The following CCDC195 variants were observed in gnomAD, a reference collection of about 807,000 sequenced individuals.
CCDC195 encodes coiled-coil domain-containing protein 195.
chr2:224,708,020 C>CTTCT (rs1422589203), intron 2 of CCDC195, among the ~76,000 whole-genome samples: 5 of 119,878 alleles, frequency 4.2e-5, no homozygotes, highest in Admixed American at 8.3e-5. Context: ...TTCTTCCTTC[C>CTTCT]TTCCTTCCTT....
At chr2:224,714,923 CT>C (rs906695491) in intron 1 of CCDC195, among the ~76,000 whole-genome samples, 4 of 151,104 alleles carry the variant, frequency 2.6e-5, no homozygotes, top group Admixed American at 6.6e-5. Context: ...TTCAGAGCTT[CT>C]TTTTTTTTCC....
chr2:224,714,580 C>A (rs1483788641), intron 1 of CCDC195, among the ~76,000 whole-genome samples: 2 of 152,282 alleles, frequency 1.3e-5, no homozygotes, highest in East Asian at 3.9e-4. Flanking sequence ...GCTAAACACC[C>A]TACCATGCTC....
intron 1 of CCDC195, among the ~76,000 whole-genome samples, chr2:224,715,853 C>G (rs994615258): frequency 2.0e-5 from 3 of 152,162 alleles, no homozygotes; most frequent in Admixed American, 6.5e-5. Flanking sequence ...AGGAAAAAGA[C>G]CACATTGTTC....
At chr2:224,713,715 A>C (rs1689348457) in intron 1 of CCDC195, among the ~76,000 whole-genome samples, 1 of 152,178 alleles carries the variant, frequency 6.6e-6, no homozygotes, top group Non-Finnish European at 1.5e-5. Context: ...AGGACTCCCA[A>C]GTGCAAATCT....
intron 1 of CCDC195, among the ~76,000 whole-genome samples, chr2:224,711,698 G>A (rs144716997): frequency 1.3e-5 from 2 of 152,284 alleles, no homozygotes; most frequent in East Asian, 3.9e-4. Context: ...GGCTTTGAGA[G>A]TGCCAGAAGC....
chr2:224,715,331 A>G (rs1689365748), intron 1 of CCDC195, among the ~76,000 whole-genome samples: 1 of 152,108 alleles, frequency 6.6e-6, no homozygotes, highest in Non-Finnish European at 1.5e-5. Flanking sequence ...TATATTTCTC[A>G]CTCTGCTGAT....
chr2:224,708,499 G>C (rs1040904788), intron 2 of CCDC195, among the ~76,000 whole-genome samples: 3 of 151,770 alleles, frequency 2.0e-5, no homozygotes. Context: ...TTTTTCTTTG[G>C]CTAAATCTAG....
chr2:224,707,993 TCCC>T (rs1559320280), intron 2 of CCDC195, among the ~76,000 whole-genome samples: 16 of 45,876 alleles, frequency 3.5e-4, no homozygotes, highest in African/African-American at 1.4e-3. Context: ...CCTCCCTCCC[TCCC>T]TCCCTTCCTT....
chr2:224,707,106 A>C (rs1260247203), intron 2 of CCDC195, among the ~76,000 whole-genome samples: 1 of 152,062 alleles, frequency 6.6e-6, no homozygotes, highest in Non-Finnish European at 1.5e-5. Context: ...CACTGTTAGC[A>C]CGCTTGGCAA....
intron 2 of CCDC195, among the ~76,000 whole-genome samples, chr2:224,706,189 C>CTTTTTTTTATTTTTTTT (rs1697238310): frequency 3.0e-5 from 1 of 33,340 alleles, no homozygotes; most frequent in Non-Finnish European, 4.7e-5. Context: ...TATTTTGTAA[C>CTTTTTTTTATTTTTTTT]TTTTTTTTTT....
intron 1 of CCDC195, among the ~76,000 whole-genome samples, chr2:224,713,315 T>G (rs1322305314): frequency 1.3e-5 from 2 of 152,240 alleles, no homozygotes; most frequent in Non-Finnish European, 2.9e-5. Flanking sequence ...TCCAATGATA[T>G]TATGACAACT....
exon 1 of CCDC195, chr2:224,716,234 T>G: frequency 2.5e-6 from 1 of 398,544 alleles, no homozygotes. Context: ...CTCCTGATTC[T>G]CTCCCTGAGC....
intron 1 of CCDC195, among the ~76,000 whole-genome samples, chr2:224,713,350 C>G (rs1353280231): frequency 1.3e-5 from 2 of 152,156 alleles, no homozygotes; most frequent in African/African-American, 4.8e-5. Context: ...TACATTGAAT[C>G]TTACTTACAC....
At chr2:224,706,485 A>T (rs1293268895) in intron 2 of CCDC195, among the ~76,000 whole-genome samples, 1 of 140,628 alleles carries the variant, frequency 7.1e-6, no homozygotes, top group South Asian at 2.3e-4. Flanking sequence ...GATTACAGGT[A>T]TGAGCCACTG....
intron 1 of CCDC195, among the ~76,000 whole-genome samples, chr2:224,710,694 G>T (rs1419792310): frequency 6.6e-6 from 1 of 152,192 alleles, no homozygotes; most frequent in African/African-American, 2.4e-5. Context: ...TATTAATTGA[G>T]TGCCAACCAT....
intron 2 of CCDC195, 54 bp from the exon 3 acceptor site, chr2:224,703,941 A>G: frequency 2.5e-6 from 1 of 398,112 alleles, no homozygotes; most frequent in Non-Finnish European, 4.4e-6. Flanking sequence ...GACTTTATAT[A>G]GAACATTGAT....
exon 2 of CCDC195, chr2:224,710,185 T>A (rs546844199): frequency 6.5e-5 from 26 of 398,456 alleles, no homozygotes; most frequent in Non-Finnish European, 1.0e-4. Flanking sequence ...AAACTGATGA[T>A]GAAATGGAAT....
intron 1 of CCDC195, among the ~76,000 whole-genome samples, chr2:224,711,450 C>G (rs1689319189): frequency 6.6e-6 from 1 of 150,418 alleles, no homozygotes; most frequent in African/African-American, 2.5e-5. Flanking sequence ...CCAGCTCTTA[C>G]ACTGCATTAA....
intron 2 of CCDC195, among the ~76,000 whole-genome samples, chr2:224,707,488 T>C (rs542935781): frequency 7.7e-4 from 118 of 152,356 alleles, no homozygotes; most frequent in African/African-American, 2.7e-3. Flanking sequence ...TCTCTCTCCC[T>C]TCTTTATTCA....
Sources: allele counts gnomAD v4.1 joint callset (sites outside exome capture counted in the v4.1 genomes callset), GRCh38; gene constraint gnomAD v4.1.1; transcripts MANE v1.5; gene names NCBI Gene and HGNC (gene_info 2026-07-23, HGNC 2026-07-21).